SHC3: variants seen among roughly 807,000 people sequenced by gnomAD.
SHC3 encodes the protein SHC-transforming protein 3.
Under a neutral mutation model 60.4 loss-of-function variants are expected in SHC3, and 15 were observed. The observed-to-expected ratio is 0.25, with a 90% confidence interval of 0.17 to 0.38. The LOEUF is 0.38. Ranked by LOEUF, SHC3 falls within the 10% of genes least tolerant of loss-of-function variation. The pLI is 1.00. For missense variants in SHC3, 677 were observed against 786.1 expected (o/e 0.86, Z 1.66); for synonymous variants, 294 against 325.9 (o/e 0.90, Z 1.05).
intron 11 of SHC3, among the ~76,000 whole-genome samples, chr9:89,034,054 T>C (rs1412181412): frequency 1.3e-5 from 2 of 152,202 alleles, no homozygotes; most frequent in Non-Finnish European, 2.9e-5. Context: ...ACAAGAACTA[T>C]GTCAAGGTGA....
At chr9:89,127,692 T>A (rs1023195867) in intron 1 of SHC3, among the ~76,000 whole-genome samples, 1 of 152,046 alleles carries the variant, frequency 6.6e-6, no homozygotes, top group Non-Finnish European at 1.5e-5. Context: ...CTAATGGCAG[T>A]TATGGGGGGA....
rs1280267292 is a variant in SHC3, at chr9:89,008,766, G to A, written c.*4681C>T. 6.6e-6 allele frequency: 1 copy of A among 152,160 alleles called. No homozygotes were observed. The highest frequency in any genetic ancestry group is 6.5e-5 in the Admixed American group (1 of 15,278). 9.4% of individuals were successfully genotyped at this position (152,160 alleles called of 1,614,324 possible). ...CCCGCCTTGCTGGGTGAACTCTGGG[G>A]TGTCAGCTCTGTCTCTCGGGGTTCC... On this transcript the variant is annotated 3_prime_UTR_variant, in exon 12 of 12. Transcript: ENST00000375835.
intron 2 of SHC3, among the ~76,000 whole-genome samples, chr9:89,086,812 T>C (rs1825537609): frequency 1.3e-5 from 2 of 152,174 alleles, no homozygotes; most frequent in Non-Finnish European, 2.9e-5. Context: ...CTTTTAGTTG[T>C]ATGCCAGCAA....
At chr9:89,160,889 T>C (rs979862090) in intron 1 of SHC3, among the ~76,000 whole-genome samples, 7 of 152,226 alleles carry the variant, frequency 4.6e-5, no homozygotes, top group Non-Finnish European at 1.0e-4. Context: ...AGGAATTTAC[T>C]AATAGAACAG....
rs1284139124 is a variant in SHC3 at position 89,163,089 on chromosome 9, AAAC to A, written c.474+14895_474+14897del. 7.6e-5 allele frequency among the ~76,000 whole-genome samples: 11 copies of A among 144,588 alleles called. No homozygotes were observed. The East Asian group carries it at 1.2e-3, about 16-fold the overall frequency. The allele number at this position is 144,588 out of a possible 152,430, so 94.9% of individuals were successfully genotyped here. A position where few individuals can be genotyped will look rare whatever the true frequency, so the allele number is the denominator to read the frequency against. ...GAATGGCAATCATTAAAAAGTCAGG[AAAC>A]AACAGGTGCTGGAGAGGATGTGGAG... On this transcript the variant is annotated intron_variant, in intron 1 of 11. Coordinates refer to ENST00000375835, the MANE Select transcript of SHC3 (RefSeq NM_016848.6).
At chr9:89,099,704 A>G (rs1001767822) in intron 2 of SHC3, among the ~76,000 whole-genome samples, 2 of 152,214 alleles carry the variant, frequency 1.3e-5, no homozygotes, top group Non-Finnish European at 2.9e-5. Flanking sequence ...CACAACTGCC[A>G]TGGGCCTGAC....
chr9:89,162,913 C>T (rs1289327576), intron 1 of SHC3, among the ~76,000 whole-genome samples: 1 of 137,456 alleles, frequency 7.3e-6, no homozygotes. Context: ...AACAAACAAC[C>T]CCATCAAAAA....
At chr9:89,089,400 T>C (rs1825584188) in intron 2 of SHC3, among the ~76,000 whole-genome samples, 1 of 152,144 alleles carries the variant, frequency 6.6e-6, no homozygotes, top group African/African-American at 2.4e-5. Context: ...AACGCTGATC[T>C]TGGAGCCTGG....
intron 2 of SHC3, among the ~76,000 whole-genome samples, chr9:89,091,751 TC>T (rs1316879008): frequency 1.3e-5 from 2 of 152,218 alleles, no homozygotes; most frequent in East Asian, 3.8e-4. Context: ...AAATAATAAT[TC>T]CACATAACTC....
At chr9:89,082,258 C>T (rs1443214411) in intron 2 of SHC3, among the ~76,000 whole-genome samples, 1 of 152,100 alleles carries the variant, frequency 6.6e-6, no homozygotes, top group Non-Finnish European at 1.5e-5. Context: ...GTCTGTTCTT[C>T]ACCCCACACA....
chr9:89,163,215 AC>A (rs1257392018), intron 1 of SHC3, among the ~76,000 whole-genome samples: 1 of 151,794 alleles, frequency 6.6e-6, no homozygotes, highest in Non-Finnish European at 1.5e-5. Context: ...AACTGGAAAT[AC>A]CATTTGACCC....
At chr9:89,142,600 G>A (rs1826409472) in intron 1 of SHC3, among the ~76,000 whole-genome samples, 1 of 149,072 alleles carries the variant, frequency 6.7e-6, no homozygotes, top group Admixed American at 6.8e-5. Flanking sequence ...AGAATCACTT[G>A]AACCCAGGAG....
intron 1 of SHC3, among the ~76,000 whole-genome samples, chr9:89,163,987 A>AC (rs1826748744): frequency 6.6e-6 from 1 of 151,968 alleles, no homozygotes; most frequent in Non-Finnish European, 1.5e-5. Flanking sequence ...TGAGAGCTCC[A>AC]CCCCTATGAC....
intron 1 of SHC3, among the ~76,000 whole-genome samples, chr9:89,148,611 A>G (rs1364309521): frequency 6.6e-6 from 1 of 152,238 alleles, no homozygotes; most frequent in Non-Finnish European, 1.5e-5. Context: ...GACATTTTCC[A>G]AACTGAATCA....
At chr9:89,055,341 A>G (rs1036531141) in intron 6 of SHC3, among the ~76,000 whole-genome samples, 2 of 152,246 alleles carry the variant, frequency 1.3e-5, no homozygotes, top group African/African-American at 2.4e-5. Context: ...GCATCCAGTA[A>G]ACTGGTGTGA....
In SHC3 at chr9:89,085,874, C is replaced by T. The variant is rs112780487; in HGVS notation, c.546-7971G>A. Reference sequence around the variant, plus strand: ...AAGGAGTGCCCAGTGAGCAGCCACACGAGTTCCTTCCTCAATAAAATCCTC... The same window carrying T: ...AAGGAGTGCCCAGTGAGCAGCCACATGAGTTCCTTCCTCAATAAAATCCTC... On this transcript the variant is annotated intron_variant, in intron 2 of 11. Transcript: ENST00000375835. Among the ~76,000 whole-genome samples the T allele has an allele frequency of 7.5e-3, 1,146 of 152,316 alleles. 19 individuals carry two copies. Among genetic ancestry groups the T allele is most frequent in the African/African-American group, 0.026 (1,085 of 41,560 alleles).
rs186391598 is a variant in SHC3, at chr9:89,098,981, A to T, written c.545+13575T>A. On this transcript the variant is annotated intron_variant, in intron 2 of 11. Transcript: ENST00000375835. ...AGCAAGGCTCTGTCTCAAAATAAAT[A>T]AATAAATTAATTAATTAATTAAAAA... Among the ~76,000 whole-genome samples, 217 of 152,154 alleles carry T rather than the reference A, an allele frequency of 1.4e-3. 2 individuals are homozygous for T. Among genetic ancestry groups the T allele is most frequent in the African/African-American group, 4.9e-3 (205 of 41,534 alleles).
At chr9:89,079,461 A>G (rs1401781572) in intron 2 of SHC3, among the ~76,000 whole-genome samples, 1 of 152,224 alleles carries the variant, frequency 6.6e-6, no homozygotes, top group East Asian at 1.9e-4. Context: ...TACATGCTGA[A>G]GTGTCTCCCT....
In SHC3 at chr9:89,163,487, C is replaced by T. The variant is rs1007483018; in HGVS notation, c.474+14500G>A. The stretch of plus-strand genomic sequence containing the variant: ...GAAATCATCATTCTCAGTAAACTAT[C>T]GCAAGAACAAAAAACCAAACACCGC... On this transcript the variant is annotated intron_variant, in intron 1 of 11. Coordinates refer to ENST00000375835, the MANE Select transcript of SHC3 (RefSeq NM_016848.6). Among the ~76,000 whole-genome samples the T allele has an allele frequency of 3.9e-4, 58 of 148,690 alleles. No individual in the cohort carries two copies. The Middle Eastern group carries it at 0.01, about 27-fold the overall frequency.
Sources: gnomAD v4.1 joint callset for allele counts (sites outside exome capture counted in the v4.1 genomes callset) on GRCh38, gnomAD v4.1.1 for gene constraint, MANE v1.5 for transcripts, NCBI Gene and HGNC (gene_info 2026-07-23, HGNC 2026-07-21) for gene names.